Variants in PSD3 observed in about 807,000 individuals in gnomAD.
PSD3 encodes the protein pleckstrin and Sec7 domain containing 3.
PSD3 carries 49 observed loss-of-function variants against 105.5 expected under a neutral mutation model. That is an observed-to-expected ratio of 0.46 (90% confidence interval 0.37 to 0.59). PSD3 has a LOEUF of 0.59. Ranked by LOEUF, PSD3 falls within the 20% of genes least tolerant of loss-of-function variation. PSD3 has a pLI of 0.00. For missense variants in PSD3, 1,561 were observed against 1,263.8 expected, an observed-to-expected ratio of 1.24 and a Z score of -3.57; for synonymous variants, 557 against 457.8, an observed-to-expected ratio of 1.22 and a Z score of -2.77.
At chr8:18,689,194 C>G (rs1407368120) in intron 9 of PSD3, among the ~76,000 whole-genome samples, 1 of 152,166 alleles carries the variant, frequency 6.6e-6, no homozygotes, top group African/African-American at 2.4e-5. Context: ...GGACACACAA[C>G]GCTGATACCA....
chr8:18,850,887 A>G (rs1208175356), intron 4 of PSD3, among the ~76,000 whole-genome samples: 5 of 152,182 alleles, frequency 3.3e-5, no homozygotes, highest in Non-Finnish European at 7.3e-5. Context: ...CTTCCTTAAG[A>G]ACATGCTGGG....
At chr8:18,843,972 C>T (rs576213629) in intron 4 of PSD3, among the ~76,000 whole-genome samples, 86 of 146,136 alleles carry the variant, frequency 5.9e-4, no homozygotes, top group Middle Eastern at 7.4e-3. Flanking sequence ...GCAAGCTGGG[C>T]TATGAAGACA....
At chr8:18,661,459 G>T (rs1390394272) in intron 9 of PSD3, among the ~76,000 whole-genome samples, 2 of 152,174 alleles carry the variant, frequency 1.3e-5, no homozygotes, top group East Asian at 1.9e-4. Context: ...GATAAAACCA[G>T]TTATTAGATA....
intron 1 of PSD3, among the ~76,000 whole-genome samples, chr8:18,947,782 T>A (rs539093096): frequency 6.6e-6 from 1 of 152,240 alleles, no homozygotes; most frequent in African/African-American, 2.4e-5. Context: ...GGTTCTGAAT[T>A]CATAATACCC....
In PSD3 at chr8:18,530,693, T is replaced by TTTTTTTTC. The variant is rs1484029976; in HGVS notation, c.*5042_*5049dup. ...AAGACTGCACAGGCTGCCTTTTTTT[T>TTTTTTTTC]TTTTTTTCTTTTCTTTCTGTATTTC... is the stretch of plus-strand genomic sequence containing the variant. On this transcript the variant is annotated 3_prime_UTR_variant, in exon 16 of 16. Transcript: ENST00000327040. 1 of 152,450 alleles carries TTTTTTTTC rather than the reference T, an allele frequency of 6.6e-6. No individual in the cohort carries two copies. The highest frequency in any genetic ancestry group is 1.9e-4 in the East Asian group (1 of 5,188). 9.4% of individuals were successfully genotyped at this position (152,450 alleles called of 1,614,324 possible).
chr8:18,869,190 C>CTGTTTTT (rs747960439), intron 3 of PSD3, among the ~76,000 whole-genome samples: 2 of 119,790 alleles, frequency 1.7e-5, no homozygotes, highest in African/African-American at 6.5e-5. Flanking sequence ...CTCTCCCCTG[C>CTGTTTTT]TTTTTTTTTT....
At chr8:19,001,088 A>G (rs1288690681) in intron 1 of PSD3, 1 of 124,434 alleles carries the variant, frequency 8.0e-6, no homozygotes, top group Non-Finnish European at 1.7e-5. Context: ...CACATGTATT[A>G]TCTTTTTAAA....
chr8:18,566,609 C>G (rs1484233542), intron 14 of PSD3, among the ~76,000 whole-genome samples: 2 of 151,774 alleles, frequency 1.3e-5, no homozygotes, highest in Non-Finnish European at 2.9e-5. Context: ...GCCCACAAAG[C>G]AAATGCTGGG....
intron 2 of PSD3, among the ~76,000 whole-genome samples, chr8:18,882,585 A>G (rs1818177833): frequency 6.6e-6 from 1 of 152,216 alleles, no homozygotes; most frequent in Admixed American, 6.5e-5. Context: ...AGCCTATTCT[A>G]GAATTCAGCA....
chr8:18,843,777 T>C (rs1814847457), intron 4 of PSD3, among the ~76,000 whole-genome samples: 1 of 152,184 alleles, frequency 6.6e-6, no homozygotes, highest in Non-Finnish European at 1.5e-5. Context: ...GTGATGGTGA[T>C]GAATGACAGT....
At chr8:18,687,398 T>C (rs111400799) in intron 9 of PSD3, among the ~76,000 whole-genome samples, 24,221 of 151,828 alleles carry the variant, frequency 0.16, 3,882 homozygotes, top group African/African-American at 0.39. Flanking sequence ...CCCAGGAGGT[T>C]GAGGTTGCAG....
intron 1 of PSD3, among the ~76,000 whole-genome samples, chr8:18,952,361 C>A (rs1010022484): frequency 6.8e-6 from 1 of 147,148 alleles, no homozygotes; most frequent in African/African-American, 2.6e-5. Flanking sequence ...GACCTAAAAA[C>A]GGACTTGTTT....
chr8:19,056,668 C>T (rs17127723), intron 1 of PSD3, among the ~76,000 whole-genome samples: 6,906 of 152,228 alleles, frequency 0.045, 515 homozygotes, highest in African/African-American at 0.16. Context: ...CAAACTCTGT[C>T]GCTGGTTTTC....
intron 4 of PSD3, among the ~76,000 whole-genome samples, chr8:18,814,220 G>C (rs962726887): frequency 6.6e-6 from 1 of 152,186 alleles, no homozygotes; most frequent in Non-Finnish European, 1.5e-5. Context: ...AAAAATTTTA[G>C]TAAGCATCAC....
At chr8:18,980,455 C>CGTTGGTTG (rs895862133) in intron 1 of PSD3, among the ~76,000 whole-genome samples, 2 of 151,622 alleles carry the variant, frequency 1.3e-5, no homozygotes, top group Admixed American at 6.6e-5. Context: ...TTGGTTGGTT[C>CGTTGGTTG]GTTGGTTGGT....
At chr8:18,903,895 G>A (rs1159540372) in intron 2 of PSD3, among the ~76,000 whole-genome samples, 2 of 152,150 alleles carry the variant, frequency 1.3e-5, no homozygotes, top group Non-Finnish European at 2.9e-5. Flanking sequence ...GTTTCCCCAG[G>A]AGAAAGGGCA....
chr8:18,955,107 G>A (rs888964979), intron 1 of PSD3, among the ~76,000 whole-genome samples: 3 of 152,190 alleles, frequency 2.0e-5, no homozygotes, highest in Non-Finnish European at 2.9e-5. Context: ...TTGCTCAGAT[G>A]TTGTGGCTGC....
intron 4 of PSD3, among the ~76,000 whole-genome samples, chr8:18,828,067 A>ATATATATATATATATATATATAT (rs371473289): frequency 1.7e-5 from 2 of 118,880 alleles, no homozygotes; most frequent in African/African-American, 7.0e-5. Flanking sequence ...ATATATATAT[A>ATATATATATATATATATATATAT]TTTTTTTTTT....
intron 10 of PSD3, among the ~76,000 whole-genome samples, chr8:18,655,056 G>A (rs774850752): frequency 1.3e-5 from 2 of 152,006 alleles, no homozygotes; most frequent in Non-Finnish European, 2.9e-5. Context: ...GGGCGTGGTC[G>A]CTCACTCCTG....
Sources: gnomAD v4.1 joint callset for allele counts (sites outside exome capture counted in the v4.1 genomes callset) on GRCh38, gnomAD v4.1.1 for gene constraint, MANE v1.5 for transcripts, NCBI Gene and HGNC (gene_info 2026-07-23, HGNC 2026-07-21) for gene names.